The following ZRANB3 variants were observed in gnomAD, a reference collection of about 807,000 sequenced individuals.
The protein encoded by ZRANB3 is DNA annealing helicase and endonuclease ZRANB3.
Under a neutral mutation model 133.8 loss-of-function variants are expected in ZRANB3, and 125 were observed. That is an observed-to-expected ratio of 0.93 (90% CI 0.81 to 1.08). The LOEUF is 1.08. Among genes scored for constraint, ZRANB3 ranks in the 50% least tolerant of loss-of-function variants. The pLI is 0.00. For synonymous variants in ZRANB3, 387 were observed against 432.7 expected, an observed-to-expected ratio of 0.89 and a Z score of 1.31; for missense variants, 1,229 against 1,275.5, an observed-to-expected ratio of 0.96 and a Z score of 0.56.
chr2:135,404,239 T>C (rs1047678368), intron 2 of ZRANB3, among the ~76,000 whole-genome samples: 2 of 151,920 alleles, frequency 1.3e-5, no homozygotes, highest in Admixed American at 1.3e-4. Context: ...GAATAACCAA[T>C]GCAGAGAAGT....
intron 12 of ZRANB3, among the ~76,000 whole-genome samples, chr2:135,247,984 C>T (rs866107077): frequency 4.6e-5 from 7 of 152,278 alleles, no homozygotes; most frequent in East Asian, 3.9e-4. Context: ...ACCAGATCAC[C>T]AGCTACCTCC....
chr2:135,503,303 A>C (rs1693028816), intron 2 of ZRANB3, among the ~76,000 whole-genome samples: 1 of 152,236 alleles, frequency 6.6e-6, no homozygotes, highest in Non-Finnish European at 1.5e-5. Context: ...CTGATGGGAC[A>C]GAAGGATAGA....
chr2:135,197,885 C>A lies in ZRANB3; in HGVS notation c.*2457G>T. ...GTGTTACCCAGGCTGGTCATGAACC[C>A]CTGGGCTTAAGTGACCCTCCTACCT... On this transcript the variant is annotated 3_prime_UTR_variant, in exon 21 of 21. Coordinates refer to ENST00000264159, the MANE Select transcript of ZRANB3 (RefSeq NM_032143.4). The A allele has an allele frequency of 6.5e-6, 1 of 152,738 alleles. No individual in the cohort carries two copies. Among genetic ancestry groups the A allele is most frequent in the Non-Finnish European group, 1.5e-5 (1 of 68,400 alleles). The allele number at this position is 152,738 out of a possible 1,614,324, so 9.5% of individuals were successfully genotyped here.
rs536601344 is a variant in ZRANB3, at chr2:135,381,368, G to A, written c.180+9434C>T. Among the ~76,000 whole-genome samples, 322 of 152,292 alleles carry A rather than the reference G, an allele frequency of 2.1e-3. 3 individuals are homozygous for A. Among genetic ancestry groups the A allele is most frequent in the South Asian group, 3.5e-3 (17 of 4,828 alleles). On this transcript the variant is annotated intron_variant, in intron 3 of 20. Transcript: ENST00000264159. ...AGCGGCCTGGAAGCTCGAACAGGGC[G>A]GAGCCCACGGCAGTTCAATGAGGTC... is the stretch of plus-strand genomic sequence containing the variant.
At chr2:135,443,708 A>G (rs1024105645) in intron 2 of ZRANB3, among the ~76,000 whole-genome samples, 1 of 152,268 alleles carries the variant, frequency 6.6e-6, no homozygotes, top group African/African-American at 2.4e-5. Context: ...TCAACAAAAT[A>G]CTGATCAGTA....
At chr2:135,280,725 T>C (rs1419672800) in intron 8 of ZRANB3, among the ~76,000 whole-genome samples, 1 of 152,090 alleles carries the variant, frequency 6.6e-6, no homozygotes, top group African/African-American at 2.4e-5. Flanking sequence ...TGATTTCAAA[T>C]TGTTGGCTTT....
chr2:135,228,161 C>G, intron 13 of ZRANB3, 146 bp from the exon 14 acceptor site: 1 of 666,448 alleles, frequency 1.5e-6, no homozygotes, highest in South Asian at 2.2e-5. Context: ...TACTATATAC[C>G]CAGTACTATT....
Position 135,230,882 on chromosome 2 carries a change from G to T in ZRANB3, c.1585C>A (p.Gln529Lys), listed in dbSNP as rs367604967. The T allele has an allele frequency of 1.4e-5, 22 of 1,585,596 alleles. No individual in the cohort carries two copies. In the African/African-American group the frequency reaches 2.3e-4, roughly 17 times the overall value. ...GTCATCAACTGTCTTTTTTTAGGTT[G>T]TGGTACAAAAAATGATCGAATATCA... ...QHDIRSFFVP[Q>K]PKKRQLMTSC... Residue 529 changes from glutamine (Q) to lysine (K), a missense_variant, in exon 13 of 21, where the codon CAA (glutamine) becomes AAA (lysine). Transcript: ENST00000264159.
intron 2 of ZRANB3, among the ~76,000 whole-genome samples, chr2:135,403,069 C>A (rs2104941688): frequency 1.3e-5 from 2 of 152,248 alleles, no homozygotes; most frequent in South Asian, 4.1e-4. Context: ...AACTGAGGTA[C>A]AAGGCTCATC....
In ZRANB3 at chr2:135,303,674, G is replaced by A. The variant is rs137957570; in HGVS notation, c.966+9815C>T. 5.1e-4 allele frequency among the ~76,000 whole-genome samples: 78 copies of A among 152,156 alleles called. 1 individual carries two copies. The East Asian group carries it at 0.015, about 29-fold the overall frequency. Reference sequence around the variant, plus strand: ...GCCACATAAATTTTATATTTAGTGTGTTAATTTATGCAAAAAAGACTACAA... The same window carrying A: ...GCCACATAAATTTTATATTTAGTGTATTAATTTATGCAAAAAAGACTACAA... On this transcript the variant is annotated intron_variant, in intron 8 of 20. Coordinates refer to ENST00000264159, the MANE Select transcript of ZRANB3 (RefSeq NM_032143.4).
At chr2:135,403,814 C>G (rs1687864151) in intron 2 of ZRANB3, among the ~76,000 whole-genome samples, 1 of 152,216 alleles carries the variant, frequency 6.6e-6, no homozygotes. Context: ...TGTTCTGCAG[C>G]CTCCGCTGCT....
intron 2 of ZRANB3, among the ~76,000 whole-genome samples, chr2:135,489,763 A>G (rs1275747548): frequency 6.6e-6 from 1 of 151,954 alleles, no homozygotes; most frequent in Non-Finnish European, 1.5e-5. Context: ...AAGAATTTAA[A>G]CAAAAAAAAG....
chr2:135,516,044 C>T (rs953147739), intron 1 of ZRANB3, among the ~76,000 whole-genome samples: 124 of 151,992 alleles, frequency 8.2e-4, no homozygotes, highest in African/African-American at 2.7e-3. Flanking sequence ...GCCCTTATCT[C>T]TTTTGATCTT....
At chr2:135,470,939 C>T (rs1691240030) in intron 2 of ZRANB3, among the ~76,000 whole-genome samples, 1 of 150,812 alleles carries the variant, frequency 6.6e-6, no homozygotes, top group Non-Finnish European at 1.5e-5. Flanking sequence ...GTAGCTGGGA[C>T]TACAGGCGCC....
At chr2:135,408,072 C>T (rs550961393) in intron 2 of ZRANB3, among the ~76,000 whole-genome samples, 17 of 151,446 alleles carry the variant, frequency 1.1e-4, no homozygotes, top group Middle Eastern at 3.4e-3. Flanking sequence ...TGCAATCTAC[C>T]CATCTGACAA....
chr2:135,468,591 T>C (rs115216499), intron 2 of ZRANB3, among the ~76,000 whole-genome samples: 1 of 152,354 alleles, frequency 6.6e-6, no homozygotes, highest in African/African-American at 2.4e-5. Context: ...GTGGCCAATA[T>C]ATAGCCACTC....
intron 2 of ZRANB3, among the ~76,000 whole-genome samples, chr2:135,455,118 C>T (rs889218880): frequency 2.1e-5 from 3 of 145,836 alleles, no homozygotes; most frequent in Non-Finnish European, 4.5e-5. Context: ...ATGACCTGCT[C>T]AAACTCTTTC....
At chr2:135,298,732 G>A (rs1244501904) in intron 8 of ZRANB3, among the ~76,000 whole-genome samples, 1 of 152,236 alleles carries the variant, frequency 6.6e-6, no homozygotes, top group African/African-American at 2.4e-5. Flanking sequence ...TAGTAGGGCA[G>A]TGAAATGGAC....
intron 1 of ZRANB3, among the ~76,000 whole-genome samples, chr2:135,513,225 T>C (rs764683520): frequency 5.3e-5 from 8 of 152,146 alleles, no homozygotes; most frequent in Non-Finnish European, 1.2e-4. Flanking sequence ...CTAAAATTCA[T>C]ATGGAAATGC....
Sources: allele counts gnomAD v4.1 joint callset (sites outside exome capture counted in the v4.1 genomes callset), GRCh38; gene constraint gnomAD v4.1.1; transcripts MANE v1.5; gene names NCBI Gene and HGNC (gene_info 2026-07-23, HGNC 2026-07-21).